Variants in FSTL4 observed in about 807,000 individuals in gnomAD.
The protein encoded by FSTL4 is follistatin like 4, also known as follistatin-related protein 4.
In FSTL4, 28 loss-of-function variants were observed where a neutral mutation model predicts 78.2. The observed-to-expected ratio is 0.36, with a 90% CI of 0.27 to 0.49. The LOEUF is 0.49. FSTL4 is among the 20% of genes least tolerant of loss of function. The pLI, the probability that FSTL4 is intolerant of heterozygous loss-of-function variation, is 0.98. For missense variants in FSTL4, 922 were observed against 1,084.9 expected, an observed-to-expected ratio of 0.85 and a Z score of 2.11; for synonymous variants, 422 against 440.5, an observed-to-expected ratio of 0.96 and a Z score of 0.53.
chr5:133,799,688 C>A, the FSTL4 span, among the ~76,000 whole-genome samples: 1 of 139,382 alleles, frequency 7.2e-6, no homozygotes, highest in East Asian at 2.0e-4. Flanking sequence ...TCTCATCTCT[C>A]TCCCAGGCTG....
intron 6 of FSTL4, chr5:133,266,507 C>T (rs919430885): frequency 2.6e-4 from 39 of 152,434 alleles, no homozygotes; most frequent in African/African-American, 7.0e-4. Flanking sequence ...CCAGGGCTGC[C>T]GTCCACATGG....
the FSTL4 span, among the ~76,000 whole-genome samples, chr5:133,815,789 G>A: frequency 1.3e-5 from 2 of 152,112 alleles, no homozygotes; most frequent in African/African-American, 2.4e-5. Context: ...GAAAGTTTAG[G>A]TGATTGGCCC....
At chr5:133,712,433 G>C in the FSTL4 span, among the ~76,000 whole-genome samples, 5 of 152,176 alleles carry the variant, frequency 3.3e-5, no homozygotes, top group Non-Finnish European at 7.3e-5. Flanking sequence ...TGGGTCGAGA[G>C]CTGATTTCAG....
the FSTL4 span, among the ~76,000 whole-genome samples, chr5:133,826,883 T>G: frequency 2.6e-5 from 4 of 152,166 alleles, no homozygotes; most frequent in Admixed American, 2.6e-4. Flanking sequence ...TAACTAAAAT[T>G]CTGTCTTTTC....
intron 4 of FSTL4, among the ~76,000 whole-genome samples, chr5:133,387,122 T>C (rs1755718103): frequency 6.6e-6 from 1 of 152,210 alleles, no homozygotes; most frequent in African/African-American, 2.4e-5. Context: ...CCTCTGCTGC[T>C]GCCCCTGCCC....
intron 1 of FSTL4, among the ~76,000 whole-genome samples, chr5:133,607,587 A>G (rs981795701): frequency 6.6e-6 from 1 of 152,212 alleles, no homozygotes; most frequent in African/African-American, 2.4e-5. Flanking sequence ...TAGACCCACG[A>G]CATCTATTCT....
At chr5:133,211,515 G>A (rs114932289) in intron 13 of FSTL4, among the ~76,000 whole-genome samples, 4,317 of 152,150 alleles carry the variant, frequency 0.028, 91 homozygotes, top group Admixed American at 0.038. Context: ...TAGTATTCTA[G>A]TCTCTCCGAT....
chr5:133,700,912 A>G, the FSTL4 span, among the ~76,000 whole-genome samples: 184 of 152,380 alleles, frequency 1.2e-3, no homozygotes, highest in African/African-American at 4.1e-3. Flanking sequence ...TGCACAGATA[A>G]TGTCGAATGA....
chr5:133,290,927 G>A (rs911805078), intron 6 of FSTL4, among the ~76,000 whole-genome samples: 4 of 152,166 alleles, frequency 2.6e-5, no homozygotes, highest in South Asian at 2.1e-4. Context: ...GGAGGAGATC[G>A]AGCCCAGTGA....
intron 11 of FSTL4, among the ~76,000 whole-genome samples, chr5:133,222,967 A>AC (rs1269616535): frequency 9.2e-5 from 14 of 152,220 alleles, no homozygotes; most frequent in Non-Finnish European, 4.4e-5. Flanking sequence ...TGTTCAATAT[A>AC]CCTACCAACC....
chr5:133,779,936 A>G, the FSTL4 span, among the ~76,000 whole-genome samples: 2 of 152,300 alleles, frequency 1.3e-5, no homozygotes, highest in East Asian at 3.9e-4. Context: ...AAGATGGATC[A>G]GGAGGGGAAG....
intron 10 of FSTL4, 136 bp from the exon 11 acceptor site, chr5:133,224,352 C>G (rs1039924875): frequency 4.7e-6 from 3 of 642,820 alleles, no homozygotes; most frequent in Non-Finnish European, 8.5e-6. Context: ...AGAATCTATA[C>G]CACTCATTGC....
the FSTL4 span, among the ~76,000 whole-genome samples, chr5:133,669,302 G>A: frequency 6.6e-6 from 1 of 152,196 alleles, no homozygotes; most frequent in South Asian, 2.1e-4. Context: ...GAGATGGGGG[G>A]GCAAGAGGGA....
At chr5:133,540,720 C>CAAAAAAAAAAAAAAAAAA (rs79162509) in intron 3 of FSTL4, among the ~76,000 whole-genome samples, 62 of 70,238 alleles carry the variant, frequency 8.8e-4, no homozygotes, top group African/African-American at 1.5e-3. Flanking sequence ...TTAACATAGG[C>CAAAAAAAAAAAAAAAAAA]AAAAAAAAAA....
At chr5:133,832,830 C>T in the FSTL4 span, among the ~76,000 whole-genome samples, 1 of 152,204 alleles carries the variant, frequency 6.6e-6, no homozygotes, top group Non-Finnish European at 1.5e-5. Flanking sequence ...CACCAACTAT[C>T]CAACTCTGCC....
chr5:133,723,665 A>C, the FSTL4 span, among the ~76,000 whole-genome samples: 1 of 152,206 alleles, frequency 6.6e-6, no homozygotes, highest in African/African-American at 2.4e-5. Flanking sequence ...TGCTCAGCCA[A>C]GGCTCTGATT....
chr5:133,393,602 G>A (rs1230220626), intron 4 of FSTL4, among the ~76,000 whole-genome samples: 3 of 152,232 alleles, frequency 2.0e-5, no homozygotes, highest in Non-Finnish European at 4.4e-5. Context: ...AAGGGCAACT[G>A]GAGGGACAGG....
intron 3 of FSTL4, among the ~76,000 whole-genome samples, chr5:133,473,809 G>A (rs1454305204): frequency 2.0e-5 from 3 of 152,152 alleles, no homozygotes; most frequent in African/African-American, 7.2e-5. Flanking sequence ...TCTTCACAGG[G>A]TGGCAGGAGA....
chr5:133,596,307 G>C (rs887758570), intron 2 of FSTL4, among the ~76,000 whole-genome samples: 1 of 152,206 alleles, frequency 6.6e-6, no homozygotes, highest in African/African-American at 2.4e-5. Context: ...GGAGGCGTCT[G>C]TCACCTCTGA....
Sources: allele counts gnomAD v4.1 joint callset (sites outside exome capture counted in the v4.1 genomes callset), GRCh38; gene constraint gnomAD v4.1.1; transcripts MANE v1.5; gene names NCBI Gene and HGNC (gene_info 2026-07-23, HGNC 2026-07-21).